The following ANKRD30B variants were observed in gnomAD, a reference collection of about 807,000 sequenced individuals.
The protein encoded by ANKRD30B is ankyrin repeat domain 30B, also known as ankyrin repeat domain-containing protein 30B.
Under a neutral mutation model 202.2 loss-of-function variants are expected in ANKRD30B, and 144 were observed. The ratio of observed to expected loss-of-function variants is 0.71; its 90% confidence interval spans 0.62 to 0.82. ANKRD30B has a LOEUF of 0.82. ANKRD30B is among the 40% of genes least tolerant of loss of function. ANKRD30B has a pLI of 0.00. For missense variants in ANKRD30B, 1,487 were observed against 1,669.1 expected, an observed-to-expected ratio of 0.89 and a Z score of 1.90; for synonymous variants, 508 against 561.3, an observed-to-expected ratio of 0.91 and a Z score of 1.34.
At chr18:14,830,341 A>G (rs1292152978) in intron 33 of ANKRD30B, 6 of 152,460 alleles carry the variant, frequency 3.9e-5, no homozygotes, top group African/African-American at 1.4e-4. Flanking sequence ...AGGCTTTGCT[A>G]GTTTATGTAG....
At chr18:14,824,693 G>A (rs749115866) in intron 32 of ANKRD30B, among the ~76,000 whole-genome samples, 2 of 152,214 alleles carry the variant, frequency 1.3e-5, no homozygotes, top group Non-Finnish European at 2.9e-5. Flanking sequence ...GGAATTATTT[G>A]AGCAGGGGAG....
intron 28 of ANKRD30B, among the ~76,000 whole-genome samples, chr18:14,810,620 A>C (rs1424085751): frequency 6.6e-6 from 1 of 151,102 alleles, no homozygotes. Context: ...TTTTCTGATT[A>C]GGTGACTGAG....
chr18:14,791,592 T>A, intron 16 of ANKRD30B, 101 bp downstream of exon 16: 1 of 877,660 alleles, frequency 1.1e-6, no homozygotes, highest in Admixed American at 2.9e-5. Flanking sequence ...ACCTCCTTAA[T>A]GCAAAGCACA....
chr18:14,832,477 T>C (rs185690008), intron 34 of ANKRD30B, among the ~76,000 whole-genome samples: 1 of 152,288 alleles, frequency 6.6e-6, no homozygotes, highest in East Asian at 1.9e-4. Context: ...AATTTTAAAT[T>C]TCAGAAGATT....
At chr18:14,929,791 ATG>A in the ANKRD30B span, among the ~76,000 whole-genome samples, 5 of 151,900 alleles carry the variant, frequency 3.3e-5, no homozygotes, top group African/African-American at 7.3e-5. Context: ...ATGTGCATGC[ATG>A]TGTGTGTGTA....
chr18:14,808,239 C>G (rs1177111121), intron 24 of ANKRD30B: 1 of 347,162 alleles, frequency 2.9e-6, no homozygotes, highest in Non-Finnish European at 5.5e-6. Flanking sequence ...AATTCAACTT[C>G]TTTCCCTATA....
At chr18:14,878,363 G>C in the ANKRD30B span, among the ~76,000 whole-genome samples, 2 of 128,270 alleles carry the variant, frequency 1.6e-5, no homozygotes, top group African/African-American at 5.0e-5. Flanking sequence ...ACTTTGTTTT[G>C]CAAAAAAAGG....
chr18:14,832,403 A>G (rs1970991737), intron 34 of ANKRD30B, among the ~76,000 whole-genome samples: 1 of 152,210 alleles, frequency 6.6e-6, no homozygotes, highest in African/African-American at 2.4e-5. Flanking sequence ...TAAGATTTTA[A>G]TTTCAGAGTT....
chr18:14,752,685 A>C lies in ANKRD30B; in HGVS notation c.336+5A>C. 1 of 1,593,588 alleles carries C rather than the reference A, an allele frequency of 6.3e-7. No homozygotes were observed. Among genetic ancestry groups the C allele is most frequent in the East Asian group, 2.2e-5 (1 of 44,592 alleles). ...GGGAGGACACCTCTGATGAAGGTAA[A>C]TAGTAGCCAGTTTTTTCAGCGGGAG... On this transcript the variant is annotated splice_donor_5th_base_variant and intron_variant, in intron 2 of 43. Coordinates refer to ENST00000690538, the MANE Select transcript of ANKRD30B (RefSeq NM_001367607.2).
At chr18:14,753,205 G>T (rs1337548746) in intron 3 of ANKRD30B, among the ~76,000 whole-genome samples, 193 bp downstream of exon 3, 1 of 151,926 alleles carries the variant, frequency 6.6e-6, no homozygotes, top group East Asian at 1.9e-4. Flanking sequence ...GCTTTTCTGT[G>T]CATTTATGAT....
Position 14,808,709 on chromosome 18 carries a change from C to T in ANKRD30B, c.2351C>T (p.Ala784Val), listed in dbSNP as rs1969714244. 8 of 1,521,206 alleles carry T rather than the reference C, an allele frequency of 5.3e-6. No individual in the cohort carries two copies. The East Asian group carries it at 1.5e-4, about 28-fold the overall frequency. The allele number at this position is 1,521,206 out of a possible 1,614,324, so 94.2% of individuals were successfully genotyped here. A position where few individuals can be genotyped will look rare whatever the true frequency, so the allele number is the denominator to read the frequency against. Residue 784 changes from alanine (A) to valine (V), a missense_variant, in exon 26 of 44, where the codon GCC becomes GTC. Ala to Val is a moderately conservative substitution (Grantham distance 64, BLOSUM62 0). Coordinates refer to ENST00000690538, the MANE Select transcript of ANKRD30B (RefSeq NM_001367607.2). ...CGRKVSLPNK[A>V]LELKDRETLK... ...AGGAAAGTTTCTCTTCCAAATAAAG[C>T]CTTAGAATTAAAGGACAGAGAAACA...
chr18:14,841,240 A>AT (rs1410218779), intron 37 of ANKRD30B, among the ~76,000 whole-genome samples: 2 of 152,230 alleles, frequency 1.3e-5, no homozygotes, highest in Admixed American at 6.5e-5. Flanking sequence ...ATAATTTGTC[A>AT]TATACACTCA....
chr18:14,804,731 G>C (rs1198082056), intron 24 of ANKRD30B, among the ~76,000 whole-genome samples: 1 of 150,874 alleles, frequency 6.6e-6, no homozygotes, highest in East Asian at 1.9e-4. Context: ...CAATGGAATA[G>C]AAATTGTAGA....
chr18:14,863,128 G>C, the ANKRD30B span, among the ~76,000 whole-genome samples: 1 of 152,178 alleles, frequency 6.6e-6, no homozygotes, highest in Admixed American at 6.5e-5. Context: ...GGGGACTACT[G>C]AGAGATGATA....
At chr18:14,921,124 AGCAGTG>A in the ANKRD30B span, among the ~76,000 whole-genome samples, 2 of 152,176 alleles carry the variant, frequency 1.3e-5, no homozygotes, top group Non-Finnish European at 2.9e-5. Flanking sequence ...AAAGGGAATC[AGCAGTG>A]GTGGAGAGGG....
At chr18:14,794,634 G>A (rs190520962) in intron 16 of ANKRD30B, among the ~76,000 whole-genome samples, 64 of 152,264 alleles carry the variant, frequency 4.2e-4, no homozygotes, top group African/African-American at 1.5e-3. Flanking sequence ...TCTTCTCATC[G>A]TAATTAAAGC....
intron 36 of ANKRD30B, among the ~76,000 whole-genome samples, chr18:14,839,538 T>C (rs1470907981): frequency 1.3e-5 from 2 of 152,214 alleles, no homozygotes. Context: ...TCTGCAAATA[T>C]GTGTCTGGCA....
intron 8 of ANKRD30B, among the ~76,000 whole-genome samples, chr18:14,769,860 A>G (rs1458363291): frequency 2.6e-5 from 4 of 152,216 alleles, no homozygotes; most frequent in Non-Finnish European, 4.4e-5. Context: ...GTACCTTGTT[A>G]TTATCATCAA....
At chr18:14,834,871 T>C (rs922169320) in intron 34 of ANKRD30B, among the ~76,000 whole-genome samples, 1 of 151,986 alleles carries the variant, frequency 6.6e-6, no homozygotes, top group Admixed American at 6.5e-5. Context: ...CTTTATGTCT[T>C]ATATTTAATC....
Sources: gnomAD v4.1 joint callset for allele counts (sites outside exome capture counted in the v4.1 genomes callset) on GRCh38, gnomAD v4.1.1 for gene constraint, MANE v1.5 for transcripts, NCBI Gene and HGNC (gene_info 2026-07-23, HGNC 2026-07-21) for gene names.